The following PCDHGA2 variants were observed in gnomAD, a reference collection of about 807,000 sequenced individuals.
PCDHGA2 encodes protocadherin gamma-A2.
PCDHGA2 carries 40 observed loss-of-function variants against 59.2 expected under a neutral mutation model. That is an observed-to-expected ratio of 0.68 (90% CI 0.52 to 0.88). PCDHGA2 has a LOEUF of 0.88. PCDHGA2 is among the 40% of genes least tolerant of loss of function. PCDHGA2 has a pLI of 0.00. For missense variants in PCDHGA2, 1,226 were observed against 1,204.0 expected (o/e 1.02, Z -0.27); for synonymous variants, 560 against 526.0 (o/e 1.06, Z -0.89).
chr5:141,418,236 T>C, intron 1 of PCDHGA2: 8 of 1,614,030 alleles, frequency 5.0e-6, no homozygotes, highest in Non-Finnish European at 6.8e-6. Flanking sequence ...ATTGAGGATG[T>C]TAATGACCAC....
chr5:141,393,792 C>T, intron 1 of PCDHGA2: 1 of 1,613,908 alleles, frequency 6.2e-7, no homozygotes, highest in Non-Finnish European at 8.5e-7. Context: ...TGTGGGGGCA[C>T]TTCTGGGGAG....
In PCDHGA2 at chr5:141,487,218, C is replaced by G. The variant is rs2099641338; in HGVS notation, c.2425-7589C>G. The stretch of plus-strand genomic sequence containing the variant: ...CCAGATCTTCGAGAATCTTCAGCTC[C>G]AAGGGAAGGAGAATCTCGTCTAACC... On this transcript the variant is annotated intron_variant, in intron 1 of 3. Transcript: ENST00000394576. The surrounding 1 kb of genome is among the most constrained non-coding windows in gnomAD (Gnocchi z 5.0). 1 of 1,613,820 alleles carries G rather than the reference C, an allele frequency of 6.2e-7. No homozygotes were observed. The highest frequency in any genetic ancestry group is 1.1e-5 in the South Asian group (1 of 91,078).
chr5:141,349,772 T>C (rs1282958709), intron 1 of PCDHGA2, among the ~76,000 whole-genome samples: 1 of 152,094 alleles, frequency 6.6e-6, no homozygotes, highest in Non-Finnish European at 1.5e-5. Context: ...AGTTTATAAA[T>C]ATAGTGAAAT....
Position 141,339,223 on chromosome 5 carries a change from G to C in PCDHGA2, c.252G>C (p.Leu84Phe). Reference protein sequence around the residue: ...LFALNPRSGSLVTANRIDREE... With the variant: ...LFALNPRSGSFVTANRIDREE... ...CTCTGAACCCGCGAAGCGGCAGCTTGGTCACTGCGAACAGGATAGACCGGG... is the reference window on the plus strand; with the variant it reads ...CTCTGAACCCGCGAAGCGGCAGCTTCGTCACTGCGAACAGGATAGACCGGG... Residue 84 changes from leucine to phenylalanine, a missense_variant, in exon 1 of 4, where the codon TTG becomes TTC. By Grantham distance (22) the Leu-to-Phe change is conservative (BLOSUM62 0). Transcript: ENST00000394576. 6.2e-7 allele frequency: 1 copy of C among 1,614,172 alleles called. No individual in the cohort carries two copies. Among genetic ancestry groups the C allele is most frequent in the Non-Finnish European group, 8.5e-7 (1 of 1,179,994 alleles).
chr5:141,477,854 C>T lies in PCDHGA2; in HGVS notation c.2425-16953C>T. Reference sequence around the variant, plus strand: ...GCCAGGTGGGAGCTCGGTGGAGATGCTGCCTCGAGGTACCTCAGCTGGCCA... The same window carrying T: ...GCCAGGTGGGAGCTCGGTGGAGATGTTGCCTCGAGGTACCTCAGCTGGCCA... On this transcript the variant is annotated intron_variant, in intron 1 of 3. Transcript: ENST00000394576. This position sits in a 1 kb window ranked among gnomAD's most constrained non-coding sequence, Gnocchi z 4.9. 1.9e-6 allele frequency: 3 copies of T among 1,614,098 alleles called. No individual in the cohort carries two copies. The South Asian group carries it at 3.3e-5, about 18-fold the overall frequency.
At chr5:141,351,784 G>A (rs1051132518) in intron 1 of PCDHGA2, 1 of 1,613,452 alleles carries the variant, frequency 6.2e-7, no homozygotes, top group Non-Finnish European at 8.5e-7. Flanking sequence ...CGCAGAGCGG[G>A]GTGGTGTTCG....
At position 141,432,993 on chromosome 5, in the gene PCDHGA2, G is replaced by C. The variant is rs749499789; in HGVS notation, c.2425-61814G>C. 7 of 1,614,208 alleles carry C rather than the reference G, an allele frequency of 4.3e-6. No homozygotes were observed. In the South Asian group the frequency reaches 7.7e-5, roughly 18 times the overall value. On this transcript the variant is annotated intron_variant, in intron 1 of 3. Transcript: ENST00000394576. This position sits in a 1 kb window ranked among gnomAD's most constrained non-coding sequence, Gnocchi z 6.0. ...GCGTCGCACTTTGTGGGCGTGGACG[G>C]GGTGCAGGCTTTCCTGCAGACCTAT...
intron 1 of PCDHGA2, chr5:141,383,716 G>A (rs1012308132): frequency 6.2e-7 from 1 of 1,614,012 alleles, no homozygotes; most frequent in Non-Finnish European, 8.5e-7. Context: ...GGACGAGGGA[G>A]TCAATGGGGA....
rs542248328 is a variant in PCDHGA2, at chr5:141,432,682, C to T, written c.2425-62125C>T. ...TGGACAGAGACGCGCTCAAGCAGAG[C>T]CTCGTAGTGGCCGTCCAGGACCACG... On this transcript the variant is annotated intron_variant, in intron 1 of 3. Coordinates refer to ENST00000394576, the MANE Select transcript of PCDHGA2 (RefSeq NM_018915.4). This position sits in a 1 kb window ranked among gnomAD's most constrained non-coding sequence, Gnocchi z 6.0. The T allele has an allele frequency of 6.5e-5, 105 of 1,613,976 alleles. No homozygotes were observed. In the African/African-American group the frequency reaches 1.1e-3, roughly 17 times the overall value.
chr5:141,470,577 C>T (rs75062402), intron 1 of PCDHGA2, among the ~76,000 whole-genome samples: 8,307 of 152,270 alleles, frequency 0.055, 479 homozygotes, highest in African/African-American at 0.15. Flanking sequence ...GCAGGATCAA[C>T]TTCATAGGCA....
Position 141,432,647 on chromosome 5 carries a change from C to G in PCDHGA2, c.2425-62160C>G, listed in dbSNP as rs747789886. The G allele has an allele frequency of 1.7e-5, 28 of 1,613,678 alleles. No individual in the cohort carries two copies. In the Admixed American group the frequency reaches 4.5e-4, roughly 26 times the overall value. ...GCACACGGGCGAGGTGCGCACGGCG[C>G]GAGCCCTGCTGGACAGAGACGCGCT... On this transcript the variant is annotated intron_variant, in intron 1 of 3. Coordinates refer to ENST00000394576, the MANE Select transcript of PCDHGA2 (RefSeq NM_018915.4). This position sits in a 1 kb window ranked among gnomAD's most constrained non-coding sequence, Gnocchi z 6.0.
intron 1 of PCDHGA2, among the ~76,000 whole-genome samples, chr5:141,380,852 C>T (rs1429709070): frequency 1.3e-5 from 2 of 152,300 alleles, no homozygotes; most frequent in African/African-American, 4.8e-5. Flanking sequence ...TGGATCAAGA[C>T]ATTGAGAGCT....
chr5:141,384,530 G>A, intron 1 of PCDHGA2: 6 of 1,614,238 alleles, frequency 3.7e-6, no homozygotes, highest in Non-Finnish European at 5.1e-6. Flanking sequence ...CCTCTCAGCA[G>A]CAACATGTCA....
chr5:141,438,685 G>A (rs2098051190), intron 1 of PCDHGA2, among the ~76,000 whole-genome samples: 1 of 143,314 alleles, frequency 7.0e-6, no homozygotes, highest in Non-Finnish European at 1.5e-5. Context: ...GTAGGGGATG[G>A]AGTCTTGCTC....
chr5:141,405,593 C>T (rs1262163993), intron 1 of PCDHGA2: 1 of 579,000 alleles, frequency 1.7e-6, no homozygotes, highest in African/African-American at 1.9e-5. Context: ...TACAGGCCTC[C>T]CAAGTAGAAT....
At chr5:141,362,367 T>A in intron 1 of PCDHGA2, 1 of 1,614,012 alleles carries the variant, frequency 6.2e-7, no homozygotes, top group Non-Finnish European at 8.5e-7. Context: ...CCAATTACAG[T>A]GAGGGTACAT....
At chr5:141,380,617 C>T (rs1024348906) in intron 1 of PCDHGA2, among the ~76,000 whole-genome samples, 3 of 152,156 alleles carry the variant, frequency 2.0e-5, no homozygotes, top group Admixed American at 6.5e-5. Context: ...TTATGATGTT[C>T]GATAACTTAG....
intron 1 of PCDHGA2, chr5:141,415,469 C>T (rs1247738517): frequency 1.9e-6 from 3 of 1,614,208 alleles, no homozygotes; most frequent in South Asian, 2.2e-5. Flanking sequence ...TCTCTCACCG[C>T]GGACTCGCGA....
At chr5:141,506,487 G>A (rs1265051912) in intron 3 of PCDHGA2, among the ~76,000 whole-genome samples, 3 of 150,464 alleles carry the variant, frequency 2.0e-5, no homozygotes, top group Non-Finnish European at 4.4e-5. Flanking sequence ...TTAGAGGCAG[G>A]CCAATCTGGA....
Sources: gnomAD v4.1 joint callset for allele counts (sites outside exome capture counted in the v4.1 genomes callset) on GRCh38, gnomAD v4.1.1 for gene constraint, Gnocchi (gnomAD v3.1) non-coding constraint, MANE v1.5 for transcripts, NCBI Gene and HGNC (gene_info 2026-07-23, HGNC 2026-07-21) for gene names.